The following FDFT1 variants were observed in gnomAD, a reference collection of about 807,000 sequenced individuals.
FDFT1 encodes farnesyl-diphosphate farnesyltransferase 1, also known as squalene synthase.
A neutral mutation model predicts 46.8 loss-of-function variants in FDFT1; 68 were observed. The ratio of observed to expected loss-of-function variants is 1.45; its 90% CI spans 1.19 to 1.78. The LOEUF is 1.78. Among genes scored for constraint, FDFT1 ranks in the 40% most tolerant of loss-of-function variants. The pLI is 0.00. For synonymous variants in FDFT1, 351 were observed against 185.1 expected, an observed-to-expected ratio of 1.90 and a Z score of -7.28; for missense variants, 928 against 524.4, an observed-to-expected ratio of 1.77 and a Z score of -7.52.
chr8:11,802,140 G>C (rs113161105), upstream of FDFT1: 116 of 453,862 alleles, frequency 2.6e-4, no homozygotes, highest in African/African-American at 2.0e-3. Context: ...AGCTCCAGGA[G>C]TGTGTGGGGC....
At position 11,830,310 on chromosome 8, in the gene FDFT1, C is replaced by G. The variant is rs1810596533; in HGVS notation, c.769C>G (p.Gln257Glu). The change falls in exon 6 of 8, where the codon CAG becomes GAG. Residue 257 changes from glutamine (Q) to glutamate (E), a missense_variant. Coordinates refer to ENST00000220584, the MANE Select transcript of FDFT1 (RefSeq NM_004462.5). ...AKPENIDLAV[Q>E]CLNELITNAL... is the part of the protein sequence containing the mutation. ...GCCGGAGAATATTGACTTGGCCGTG[C>G]AGTGCCTGAATGAACTTATAACCAA... 6.2e-7 allele frequency: 1 copy of G among 1,613,688 alleles called. No homozygotes were observed. The highest frequency in any genetic ancestry group is 2.2e-5 in the East Asian group (1 of 44,880).
upstream of FDFT1, among the ~76,000 whole-genome samples, chr8:11,799,608 T>G (rs1805898619): frequency 6.6e-6 from 1 of 152,244 alleles, no homozygotes; most frequent in African/African-American, 2.4e-5. Flanking sequence ...CTATCTGATC[T>G]CCTGTCCCGT....
chr8:11,803,236 C>T (rs1003727853), intron 1 of FDFT1: 7 of 1,381,458 alleles, frequency 5.1e-6, no homozygotes, highest in African/African-American at 4.4e-5. Context: ...GTATTTTAAC[C>T]CGAGGGTTAC....
At chr8:11,821,420 A>C (rs7015907) in intron 3 of FDFT1, among the ~76,000 whole-genome samples, 3,002 of 152,260 alleles carry the variant, frequency 0.02, 103 homozygotes, top group African/African-American at 0.069. Flanking sequence ...GTGAAACCCC[A>C]CTTCTACTAA....
intron 5 of FDFT1, among the ~76,000 whole-genome samples, chr8:11,828,781 T>A (rs1165302566): frequency 6.6e-6 from 1 of 152,260 alleles, no homozygotes; most frequent in African/African-American, 2.4e-5. Flanking sequence ...TCCTAGGTGA[T>A]TGGCTTCTTT....
intron 7 of FDFT1, among the ~76,000 whole-genome samples, chr8:11,838,030 A>G (rs142066591): frequency 2.3e-3 from 355 of 152,028 alleles, no homozygotes; most frequent in African/African-American, 8.2e-3. Flanking sequence ...CCCTTTCGTC[A>G]TGTTAGTCTG....
upstream of FDFT1, among the ~76,000 whole-genome samples, chr8:11,800,157 A>T (rs1268845094): frequency 6.9e-6 from 1 of 145,266 alleles, no homozygotes; most frequent in Admixed American, 7.1e-5. Context: ...GCTACTCGGG[A>T]GGCTGAGGCA....
chr8:11,820,091 C>CA (rs1345521082), intron 3 of FDFT1, among the ~76,000 whole-genome samples: 4 of 152,180 alleles, frequency 2.6e-5, no homozygotes, highest in Non-Finnish European at 5.9e-5. Flanking sequence ...TTCCTTCTAA[C>CA]AGAGGCCCGT....
upstream of FDFT1, among the ~76,000 whole-genome samples, chr8:11,798,781 A>T (rs1194609692): frequency 6.6e-6 from 1 of 152,250 alleles, no homozygotes; most frequent in Non-Finnish European, 1.5e-5. Flanking sequence ...GCTGGGCACT[A>T]TTCCAGATGG....
intron 7 of FDFT1, among the ~76,000 whole-genome samples, chr8:11,836,170 T>C (rs1811514793): frequency 7.1e-6 from 1 of 141,790 alleles, no homozygotes; most frequent in South Asian, 2.3e-4. Flanking sequence ...AAAAAAAATC[T>C]ACAATATACC....
intron 5 of FDFT1, among the ~76,000 whole-genome samples, chr8:11,828,262 G>A (rs1439480415): frequency 2.6e-5 from 4 of 152,100 alleles, no homozygotes; most frequent in Admixed American, 1.3e-4. Flanking sequence ...CATTCTAGCA[G>A]CCTGGGAGAC....
At chr8:11,810,393 G>A (rs889883035) in intron 3 of FDFT1, among the ~76,000 whole-genome samples, 1 of 152,194 alleles carries the variant, frequency 6.6e-6, no homozygotes, top group African/African-American at 2.4e-5. Context: ...TGGCATGGGG[G>A]CGGTGTCTGT....
At chr8:11,797,238 C>T (rs58313162) in intron 1 of FDFT1, among the ~76,000 whole-genome samples, 3 of 152,168 alleles carry the variant, frequency 2.0e-5, no homozygotes, top group Admixed American at 6.5e-5. Flanking sequence ...CGCCTTCTAT[C>T]TCATTTTGAG....
At chr8:11,829,928 A>C (rs1333756118) in intron 5 of FDFT1, among the ~76,000 whole-genome samples, 4 of 151,134 alleles carry the variant, frequency 2.6e-5, no homozygotes, top group African/African-American at 9.8e-5. Flanking sequence ...ACTCACTGCA[A>C]CCTCCGCCCC....
chr8:11,831,770 T>A, intron 7 of FDFT1, 100 bp downstream of exon 7: 1 of 1,004,964 alleles, frequency 1.0e-6, no homozygotes, highest in South Asian at 1.4e-5. Context: ...TCCTAACAAT[T>A]CACTATCCTG....
chr8:11,812,239 C>T (rs1585895082), intron 3 of FDFT1, among the ~76,000 whole-genome samples: 1 of 152,190 alleles, frequency 6.6e-6, no homozygotes, highest in African/African-American at 2.4e-5. Flanking sequence ...TCTGGAGTTC[C>T]TTGCCCCAAA....
chr8:11,833,391 A>C (rs1247948776), intron 7 of FDFT1, among the ~76,000 whole-genome samples: 1 of 152,212 alleles, frequency 6.6e-6, no homozygotes, highest in Non-Finnish European at 1.5e-5. Context: ...TTCTAAATGG[A>C]ATCCTGCTAT....
At chr8:11,824,106 C>G (rs77897185) in intron 4 of FDFT1, among the ~76,000 whole-genome samples, 1,780 of 152,196 alleles carry the variant, frequency 0.012, 35 homozygotes, top group African/African-American at 0.04. Flanking sequence ...CAAGCAGTCC[C>G]CTCTCCACAG....
upstream of FDFT1, among the ~76,000 whole-genome samples, chr8:11,801,363 A>T (rs916658019): frequency 2.6e-5 from 4 of 152,352 alleles, no homozygotes; most frequent in East Asian, 7.7e-4. Context: ...CTTGTCCCCC[A>T]GGCTGGAGTG....
Sources: allele counts gnomAD v4.1 joint callset (sites outside exome capture counted in the v4.1 genomes callset), GRCh38; gene constraint gnomAD v4.1.1; transcripts MANE v1.5; gene names NCBI Gene and HGNC (gene_info 2026-07-23, HGNC 2026-07-21).